Variants in RIMBP2 observed in about 807,000 individuals in gnomAD.
The protein encoded by RIMBP2 is RIMS-binding protein 2.
Under a neutral mutation model 118.6 loss-of-function variants are expected in RIMBP2, and 48 were observed. That is an observed-to-expected ratio of 0.40 (90% confidence interval 0.32 to 0.51). The LOEUF (loss-of-function observed/expected upper bound fraction) is 0.51, where lower values mean the gene tolerates loss of function less well. RIMBP2 is among the 20% of genes least tolerant of loss of function. The pLI, the probability that RIMBP2 is intolerant of heterozygous loss-of-function variation, is 0.41. For synonymous variants in RIMBP2, 762 were observed against 742.9 expected (o/e 1.03, Z -0.42); for missense variants, 1,551 against 1,768.3 (o/e 0.88, Z 2.20).
At chr12:130,531,113 G>A (rs1466589761) in intron 2 of RIMBP2, among the ~76,000 whole-genome samples, 1 of 152,202 alleles carries the variant, frequency 6.6e-6, no homozygotes, top group Non-Finnish European at 1.5e-5. Flanking sequence ...CTCATCAAGT[G>A]ATATATCTAT....
chr12:130,618,024 T>TTTACGAAAAAAAA (rs71088771), intron 2 of RIMBP2, among the ~76,000 whole-genome samples: 1 of 65,828 alleles, frequency 1.5e-5, no homozygotes, highest in South Asian at 5.6e-4. Flanking sequence ...AGACCTCTTC[T>TTTACGAAAAAAAA]AAAAAAAAAA....
intron 2 of RIMBP2, among the ~76,000 whole-genome samples, chr12:130,601,619 C>T (rs1227502484): frequency 2.0e-5 from 3 of 152,136 alleles, no homozygotes; most frequent in African/African-American, 7.2e-5. Flanking sequence ...CAATTATCTT[C>T]CAGCACACAT....
chr12:130,494,887 G>C (rs992427286), intron 4 of RIMBP2, among the ~76,000 whole-genome samples: 2 of 152,232 alleles, frequency 1.3e-5, no homozygotes, highest in African/African-American at 2.4e-5. Context: ...CTGGAGCACA[G>C]AAGGCTGAAA....
In RIMBP2 at chr12:130,698,625, T is replaced by C. The variant is rs368245517; in HGVS notation, c.-352+17597A>G. ...ACAAAAATTCCTAAAACCATAAAAA[T>C]CCTAGAAGAAAACCTAGGCAATACC... is the stretch of plus-strand genomic sequence containing the variant. On this transcript the variant is annotated intron_variant, in intron 1 of 22. Transcript: ENST00000690449. 4.1e-4 allele frequency among the ~76,000 whole-genome samples: 63 copies of C among 151,910 alleles called. No homozygotes were observed. In the East Asian group the frequency reaches 0.011, roughly 27 times the overall value.
intron 19 of RIMBP2, 137 bp downstream of exon 19, chr12:130,412,482 C>A: frequency 1.2e-6 from 1 of 826,590 alleles, no homozygotes; most frequent in Non-Finnish European, 1.9e-6. Flanking sequence ...AGAAAAATCA[C>A]TGGTCAACAT....
rs1275583087 is a variant in RIMBP2, at chr12:130,475,451, A to C, written c.102+3461T>G. On this transcript the variant is annotated intron_variant, in intron 5 of 22. Coordinates refer to ENST00000690449, the MANE Select transcript of RIMBP2 (RefSeq NM_001393629.1). The surrounding 1 kb of genome is among the most constrained non-coding windows in gnomAD (Gnocchi z 4.1). ...ATGTGGCACAATCCACCTGTATTTC[A>C]GGAAAAATAAACTCCTGCCTCACAT... Among the ~76,000 whole-genome samples, 1 of 152,184 alleles carries C rather than the reference A, an allele frequency of 6.6e-6. No homozygotes were observed. The highest frequency in any genetic ancestry group is 6.5e-5 in the Admixed American group (1 of 15,288).
At chr12:130,467,728 A>C (rs1450628391) in intron 6 of RIMBP2, among the ~76,000 whole-genome samples, 1 of 152,162 alleles carries the variant, frequency 6.6e-6, no homozygotes, top group Admixed American at 6.5e-5. Flanking sequence ...AAGTTGTCTC[A>C]CCTTTCCAGA....
chr12:130,613,515 T>C (rs1191597619), intron 2 of RIMBP2, among the ~76,000 whole-genome samples: 1 of 152,144 alleles, frequency 6.6e-6, no homozygotes. Context: ...TCTTCCTTTC[T>C]TCGGTAAAGA....
chr12:130,423,604 T>C (rs1028336620), intron 16 of RIMBP2, among the ~76,000 whole-genome samples: 2 of 138,892 alleles, frequency 1.4e-5, no homozygotes, highest in Admixed American at 1.6e-4. Context: ...TTCTGGAAAC[T>C]GTGGGCACAG....
chr12:130,536,087 T>C (rs746228982), intron 2 of RIMBP2, among the ~76,000 whole-genome samples: 1 of 152,070 alleles, frequency 6.6e-6, no homozygotes, highest in Admixed American at 6.6e-5. Context: ...TCACGCCCAG[T>C]TGCAGCATTA....
At chr12:130,594,240 A>G (rs1283993332) in intron 2 of RIMBP2, among the ~76,000 whole-genome samples, 1 of 152,358 alleles carries the variant, frequency 6.6e-6, no homozygotes, top group Non-Finnish European at 1.5e-5. Context: ...CCGACTCCCA[A>G]TTCAGACTGT....
At chr12:130,674,938 T>C (rs2064382007) in intron 1 of RIMBP2, among the ~76,000 whole-genome samples, 1 of 152,178 alleles carries the variant, frequency 6.6e-6, no homozygotes, top group Non-Finnish European at 1.5e-5. Flanking sequence ...TGTGTCAGGC[T>C]TCATTCCTTT....
At chr12:130,575,181 C>G (rs1424427476) in intron 2 of RIMBP2, among the ~76,000 whole-genome samples, 1 of 93,910 alleles carries the variant, frequency 1.1e-5, no homozygotes, top group Non-Finnish European at 2.1e-5. Context: ...CAACCCCACC[C>G]CCAGATGCCC....
intron 2 of RIMBP2, among the ~76,000 whole-genome samples, chr12:130,580,028 C>CAAAAAAAAAAA (rs55653381): frequency 1.2e-3 from 138 of 114,816 alleles, no homozygotes; most frequent in Non-Finnish European, 1.7e-3. Flanking sequence ...ACCAAAAATA[C>CAAAAAAAAAAA]AAAAAAAAAA....
In RIMBP2 at chr12:130,617,269, A is replaced by G. The variant is rs1244940730; in HGVS notation, c.-217+11053T>C. On this transcript the variant is annotated intron_variant, in intron 2 of 22. Coordinates refer to ENST00000690449, the MANE Select transcript of RIMBP2 (RefSeq NM_001393629.1). The surrounding 1 kb of genome is among the most constrained non-coding windows in gnomAD (Gnocchi z 4.6). The stretch of plus-strand genomic sequence containing the variant: ...ACTAGAGCCCAGGCCCACGCCCTGC[A>G]GCTGGGAGCTGCTGGACCAGGCTTA... 6.6e-6 allele frequency among the ~76,000 whole-genome samples: 1 copy of G among 150,636 alleles called. No individual in the cohort carries two copies. The highest frequency in any genetic ancestry group is 1.5e-5 in the Non-Finnish European group (1 of 67,764).
chr12:130,528,263 C>T (rs931548175), intron 2 of RIMBP2, among the ~76,000 whole-genome samples: 1 of 152,122 alleles, frequency 6.6e-6, no homozygotes, highest in Admixed American at 6.5e-5. Context: ...TACTATGCAG[C>T]CATAAAAAGG....
chr12:130,538,035 G>T (rs1365363728), intron 2 of RIMBP2, among the ~76,000 whole-genome samples: 2 of 152,062 alleles, frequency 1.3e-5, no homozygotes, highest in Admixed American at 6.6e-5. Context: ...AAAGCAAAAT[G>T]CAGGTCAGTA....
At chr12:130,567,767 C>A (rs371886614) in intron 2 of RIMBP2, among the ~76,000 whole-genome samples, 3 of 152,222 alleles carry the variant, frequency 2.0e-5, no homozygotes, top group African/African-American at 7.2e-5. Context: ...CCACCTCTTC[C>A]CCCTGGTCCT....
intron 12 of RIMBP2, 30 bp downstream of exon 12, chr12:130,438,335 A>ACGGGGGC: frequency 1.2e-6 from 1 of 865,014 alleles, no homozygotes; most frequent in Non-Finnish European, 1.9e-6. Flanking sequence ...GGCCTAACAA[A>ACGGGGGC]CCCTCCCCAC....
Sources: gnomAD v4.1 joint callset for allele counts (sites outside exome capture counted in the v4.1 genomes callset) on GRCh38, gnomAD v4.1.1 for gene constraint, Gnocchi (gnomAD v3.1) non-coding constraint, MANE v1.5 for transcripts, NCBI Gene and HGNC (gene_info 2026-07-23, HGNC 2026-07-21) for gene names.